IGSF11: variants seen among roughly 807,000 people sequenced by gnomAD.
IGSF11 encodes CXADR like 1.
IGSF11 carries 22 observed loss-of-function variants against 41.0 expected under a neutral mutation model. The ratio of observed to expected loss-of-function variants is 0.54; its 90% CI spans 0.38 to 0.77. The LOEUF (loss-of-function observed/expected upper bound fraction) is 0.77, where lower values mean the gene tolerates loss of function less well. IGSF11 is among the 30% of genes least tolerant of loss of function. The probability of loss-of-function intolerance (pLI) is 0.00; values close to 1 mark genes in which losing one functional copy is unlikely to be tolerated. For missense variants in IGSF11, 444 were observed against 530.8 expected, an observed-to-expected ratio of 0.84 and a Z score of 1.61; for synonymous variants, 219 against 201.3, an observed-to-expected ratio of 1.09 and a Z score of -0.74.
intron 1 of IGSF11, among the ~76,000 whole-genome samples, chr3:118,949,876 C>G (rs1245669730): frequency 6.6e-6 from 1 of 152,170 alleles, no homozygotes; most frequent in African/African-American, 2.4e-5. Context: ...TGCATACCTT[C>G]CCTTAGGGAA....
intron 3 of IGSF11, 62 bp downstream of exon 3, chr3:118,928,447 G>T: frequency 7.6e-7 from 1 of 1,315,318 alleles, no homozygotes; most frequent in Non-Finnish European, 1.1e-6. Context: ...GCAGAAGCAA[G>T]TATGCTTGAG....
intron 1 of IGSF11, among the ~76,000 whole-genome samples, chr3:118,945,653 T>G (rs576463062): frequency 1.9e-4 from 29 of 152,290 alleles, no homozygotes; most frequent in African/African-American, 6.3e-4. Context: ...ATCTAGAGAT[T>G]AGTGTTATTT....
At chr3:118,908,063 G>C (rs910469468) in intron 4 of IGSF11, among the ~76,000 whole-genome samples, 2 of 152,148 alleles carry the variant, frequency 1.3e-5, no homozygotes, top group African/African-American at 4.8e-5. Context: ...AGTGGTGGTG[G>C]TGGGTTTTCC....
intron 1 of IGSF11, among the ~76,000 whole-genome samples, chr3:118,936,298 G>C (rs1402924530): frequency 6.6e-6 from 1 of 151,962 alleles, no homozygotes; most frequent in Non-Finnish European, 1.5e-5. Context: ...CTTGAGGTCG[G>C]GAGTTCGAGA....
At chr3:118,913,571 T>G (rs946883032) in intron 4 of IGSF11, among the ~76,000 whole-genome samples, 3 of 151,822 alleles carry the variant, frequency 2.0e-5, no homozygotes, top group African/African-American at 7.3e-5. Flanking sequence ...CATTAAAGAG[T>G]GTAGGGAAAA....
intron 1 of IGSF11, among the ~76,000 whole-genome samples, chr3:119,130,660 C>T (rs1194996903): frequency 6.6e-6 from 1 of 152,250 alleles, no homozygotes; most frequent in East Asian, 1.9e-4. Context: ...CAGACAACTT[C>T]TGCAGACTTA....
intron 1 of IGSF11, among the ~76,000 whole-genome samples, chr3:119,075,214 A>T (rs551797924): frequency 6.6e-6 from 1 of 152,288 alleles, no homozygotes; most frequent in Admixed American, 6.5e-5. Flanking sequence ...CTGCACACAA[A>T]CTAGGAAACC....
intron 1 of IGSF11, among the ~76,000 whole-genome samples, chr3:118,981,100 A>G (rs1934669088): frequency 6.6e-6 from 1 of 152,216 alleles, no homozygotes; most frequent in Non-Finnish European, 1.5e-5. Context: ...GAGTGAGCTG[A>G]GTTCTAACTA....
At chr3:119,048,124 A>G (rs202165233) in intron 1 of IGSF11, among the ~76,000 whole-genome samples, 4 of 152,120 alleles carry the variant, frequency 2.6e-5, no homozygotes, top group South Asian at 4.1e-4. Context: ...AAAAGCTAGC[A>G]GAAGGCAAGA....
At chr3:119,097,690 GA>G (rs1393180768) in intron 1 of IGSF11, among the ~76,000 whole-genome samples, 15 of 152,096 alleles carry the variant, frequency 9.9e-5, no homozygotes, top group Non-Finnish European at 1.9e-4. Context: ...AATCCAGGTG[GA>G]AAAGGAGAGT....
intron 4 of IGSF11, among the ~76,000 whole-genome samples, chr3:118,909,390 C>T (rs1338810824): frequency 6.6e-6 from 1 of 151,690 alleles, no homozygotes; most frequent in East Asian, 1.9e-4. Context: ...AAAAATGATC[C>T]TAACCTGAAA....
At chr3:118,912,034 A>G (rs1940386979) in intron 4 of IGSF11, among the ~76,000 whole-genome samples, 1 of 152,244 alleles carries the variant, frequency 6.6e-6, no homozygotes, top group South Asian at 2.1e-4. Flanking sequence ...ATGAAAGAAA[A>G]ACGTATAATC....
intron 4 of IGSF11, among the ~76,000 whole-genome samples, chr3:118,914,165 T>C (rs565276183): frequency 5.8e-4 from 88 of 151,996 alleles, no homozygotes; most frequent in Non-Finnish European, 1.1e-3. Context: ...AGAAAAAATA[T>C]TATAAAGAAT....
intron 4 of IGSF11, among the ~76,000 whole-genome samples, chr3:118,924,598 C>T (rs894070567): frequency 1.4e-4 from 22 of 151,924 alleles, no homozygotes; most frequent in Non-Finnish European, 8.8e-5. Flanking sequence ...CCTAAAGTTG[C>T]AAAGAGTATT....
At chr3:119,045,566 G>T (rs1195892490) in intron 1 of IGSF11, among the ~76,000 whole-genome samples, 5 of 152,118 alleles carry the variant, frequency 3.3e-5, no homozygotes, top group African/African-American at 1.2e-4. Context: ...GAGGCTGGGG[G>T]AGGGGCGCCC....
At position 118,904,696 on chromosome 3, in the gene IGSF11, C is replaced by A. The variant is rs1262124985; in HGVS notation, c.806G>T (p.Arg269Ile). Residue 269 changes from arginine to isoleucine, a missense_variant, in exon 6 of 7, where the codon AGA (arginine) becomes ATA (isoleucine). Transcript: ENST00000393775. ...TTCTTCCTCCTCTTTATTTTTGCTT[C>A]TCCAGTAAAAGAATGCCCCTAAAAT... is the stretch of plus-strand genomic sequence containing the variant. ...ALILGAFFYW[R>I]SKNKEEEEEE... 6.2e-7 allele frequency: 1 copy of A among 1,611,810 alleles called. No individual in the cohort carries two copies. The highest frequency in any genetic ancestry group is 1.7e-5 in the Admixed American group (1 of 59,812).
At chr3:119,074,916 C>A (rs2076467450) in intron 1 of IGSF11, among the ~76,000 whole-genome samples, 1 of 151,842 alleles carries the variant, frequency 6.6e-6, no homozygotes, top group Non-Finnish European at 1.5e-5. Flanking sequence ...AACATCAGAC[C>A]TAGAGGAACT....
chr3:119,106,172 T>A (rs1382603878), upstream of IGSF11, among the ~76,000 whole-genome samples: 1 of 152,188 alleles, frequency 6.6e-6, no homozygotes, highest in Admixed American at 6.5e-5. Flanking sequence ...AGATGGCATA[T>A]CCATCACCTC....
Position 118,928,604 on chromosome 3 carries a change from G to A in IGSF11, c.329C>T (p.Thr110Ile), listed in dbSNP as rs1394527469. ...ATNVSIFINN[T>I]QLSDTGTYQC... ...GTAGGTGCCAGTGTCTGATAACTGA[G>A]TGTTATTAATGAAGATAGAGACATT... Residue 110 changes from threonine to isoleucine, a missense_variant, in exon 3 of 7, where the codon ACT becomes ATT. Around this residue, in one of 3 missense-constraint regions of IGSF11, gnomAD observed 193 missense variants for 283.5 expected, o/e 0.68. Coordinates refer to ENST00000393775, the MANE Select transcript of IGSF11 (RefSeq NM_001015887.3). 1 of 1,613,982 alleles carries A rather than the reference G, an allele frequency of 6.2e-7. No individual in the cohort carries two copies. The highest frequency in any genetic ancestry group is 2.2e-5 in the East Asian group (1 of 44,866).
Sources: gnomAD v4.1 joint callset for allele counts (sites outside exome capture counted in the v4.1 genomes callset) on GRCh38, gnomAD v4.1.1 for gene constraint, gnomAD v4.1.1 regional missense constraint, MANE v1.5 for transcripts, NCBI Gene and HGNC (gene_info 2026-07-23, HGNC 2026-07-21) for gene names.